CD9: variants seen among roughly 807,000 people sequenced by gnomAD.
CD9 encodes the protein CD9 antigen.
In CD9, 10 loss-of-function variants were observed where a neutral mutation model predicts 31.4. That is an observed-to-expected ratio of 0.32 (90% CI 0.20 to 0.54). CD9 has a LOEUF of 0.54. Ranked by LOEUF, CD9 falls within the 20% of genes least tolerant of loss-of-function variation. The probability of loss-of-function intolerance (pLI) is 0.94; values close to 1 mark genes in which losing one functional copy is unlikely to be tolerated. For synonymous variants in CD9, 113 were observed against 114.1 expected (o/e 0.99, Z 0.06); for missense variants, 259 against 300.1 (o/e 0.86, Z 1.01).
chr12:6,213,162 C>CTG (rs1167689896), intron 1 of CD9, among the ~76,000 whole-genome samples: 13 of 152,208 alleles, frequency 8.5e-5, no homozygotes, highest in Non-Finnish European at 1.5e-4. Context: ...GTGTTAGCTT[C>CTG]TGCTGCTGTT....
In CD9 at chr12:6,232,846, A is replaced by G; in HGVS notation, c.273+117A>G. ...GGGGATGGGGTCAGGAAGGTACCCA[A>G]AGGGCATGAGCTGTCCTCAGCCTGG... is the stretch of plus-strand genomic sequence containing the variant. On this transcript the variant is annotated intron_variant, in intron 3 of 7. Coordinates refer to ENST00000009180, the MANE Select transcript of CD9 (RefSeq NM_001769.4). The surrounding 1 kb of genome is among the most constrained non-coding windows in gnomAD (Gnocchi z 4.8). 1 of 752,194 alleles carries G rather than the reference A, an allele frequency of 1.3e-6. No individual in the cohort carries two copies. Among genetic ancestry groups the G allele is most frequent in the South Asian group, 1.5e-5 (1 of 68,554 alleles). The allele number at this position is 752,194 out of a possible 1,614,324, so 46.6% of individuals were successfully genotyped here.
intron 1 of CD9, among the ~76,000 whole-genome samples, chr12:6,210,686 GAA>G (rs1946185116): frequency 6.6e-6 from 1 of 152,090 alleles, no homozygotes; most frequent in Non-Finnish European, 1.5e-5. Context: ...AGGCAAAAGG[GAA>G]AAAATTCTGG....
intron 1 of CD9, among the ~76,000 whole-genome samples, chr12:6,203,673 C>T (rs1169726224): frequency 6.6e-6 from 1 of 152,168 alleles, no homozygotes; most frequent in Non-Finnish European, 1.5e-5. Flanking sequence ...TTCTACATTT[C>T]CTTCAGACCT....
intron 2 of CD9, among the ~76,000 whole-genome samples, chr12:6,230,611 C>T (rs1946431174): frequency 6.6e-6 from 1 of 152,232 alleles, no homozygotes; most frequent in South Asian, 2.1e-4. Context: ...GACTTGCCCC[C>T]ATTAGATGGG....
chr12:6,225,076 GT>G (rs1337465213), intron 1 of CD9: 2 of 253,320 alleles, frequency 7.9e-6, no homozygotes, highest in Non-Finnish European at 1.5e-5. Context: ...CATATTGTGT[GT>G]GTGCCTGTGG....
chr12:6,210,372 C>T (rs1946182249), intron 1 of CD9, among the ~76,000 whole-genome samples: 1 of 152,216 alleles, frequency 6.6e-6, no homozygotes, highest in Admixed American at 6.5e-5. Flanking sequence ...CCGCCTCTGT[C>T]CACCCTGACT....
At chr12:6,205,369 C>G (rs573216588) in intron 1 of CD9, among the ~76,000 whole-genome samples, 1 of 152,212 alleles carries the variant, frequency 6.6e-6, no homozygotes, top group Non-Finnish European at 1.5e-5. Context: ...TTCTTTTCAA[C>G]GTGGCCCACA....
chr12:6,226,481 T>C (rs905034164), intron 2 of CD9: 1 of 152,224 alleles, frequency 6.6e-6, no homozygotes, highest in African/African-American at 2.4e-5. Flanking sequence ...AAAAAAGTTA[T>C]TTTTACAAAC....
At chr12:6,221,692 G>A (rs1946293457) in intron 1 of CD9, among the ~76,000 whole-genome samples, 3 of 151,552 alleles carry the variant, frequency 2.0e-5, no homozygotes, top group Admixed American at 6.6e-5. Flanking sequence ...TAAAGTAGCT[G>A]AAGCTGGGCG....
chr12:6,226,686 G>A (rs1457976751), intron 2 of CD9, among the ~76,000 whole-genome samples: 1 of 152,060 alleles, frequency 6.6e-6, no homozygotes, highest in Non-Finnish European at 1.5e-5. Flanking sequence ...GGTTTTTTGG[G>A]GTGTGTCTCT....
At position 6,202,596 on chromosome 12, in the gene CD9, G is replaced by A. The variant is rs371192444; in HGVS notation, c.66+2031G>A. ...CATGGCATATGCAGGAAGCTGATGC[G>A]AGGCTCACAGGGCCACTGGTATCTA... On this transcript the variant is annotated intron_variant, in intron 1 of 7. Transcript: ENST00000009180. Among the ~76,000 whole-genome samples the A allele has an allele frequency of 7.2e-5, 11 of 152,312 alleles. No individual in the cohort carries two copies. The East Asian group carries it at 1.7e-3, about 24-fold the overall frequency.
At chr12:6,233,135 G>A (rs965476133) in intron 3 of CD9, 13 of 690,246 alleles carry the variant, frequency 1.9e-5, no homozygotes, top group Non-Finnish European at 3.2e-5. Flanking sequence ...CCTGCTCACT[G>A]ACTCTTAACT....
At position 6,229,267 on chromosome 12, in the gene CD9, C is replaced by T. The variant is rs1946410673; in HGVS notation, c.176-3365C>T. 2.0e-5 allele frequency among the ~76,000 whole-genome samples: 3 copies of T among 152,324 alleles called. No homozygotes were observed. The South Asian group carries it at 6.2e-4, about 32-fold the overall frequency. The stretch of plus-strand genomic sequence containing the variant: ...AATGCCCCCCCTTCCTCGGCCAGCC[C>T]CCTATCCATGATGAGGTGCCTGGTG... On this transcript the variant is annotated intron_variant, in intron 2 of 7. Transcript: ENST00000009180.
At chr12:6,219,628 G>A (rs1342615377) in intron 1 of CD9, among the ~76,000 whole-genome samples, 1 of 152,050 alleles carries the variant, frequency 6.6e-6, no homozygotes, top group Non-Finnish European at 1.5e-5. Context: ...TGGTACTACA[G>A]GCACCCGCCA....
At chr12:6,228,488 G>T (rs1426333525) in intron 2 of CD9, among the ~76,000 whole-genome samples, 2 of 147,496 alleles carry the variant, frequency 1.4e-5, no homozygotes, top group Non-Finnish European at 3.0e-5. Flanking sequence ...GGAGGCAGAG[G>T]TTGCAGAGAG....
At chr12:6,209,900 G>C (rs919583198) in intron 1 of CD9, among the ~76,000 whole-genome samples, 6 of 152,098 alleles carry the variant, frequency 3.9e-5, no homozygotes, top group African/African-American at 1.4e-4. Context: ...GACCAGGCTG[G>C]TCTCGAACTG....
intron 1 of CD9, among the ~76,000 whole-genome samples, chr12:6,201,852 C>T (rs1016939736): frequency 1.3e-5 from 2 of 152,114 alleles, no homozygotes; most frequent in African/African-American, 4.8e-5. Flanking sequence ...GCCTGGGTAA[C>T]ATAGTGAGAC....
At chr12:6,205,269 A>G (rs984720276) in intron 1 of CD9, among the ~76,000 whole-genome samples, 11 of 152,058 alleles carry the variant, frequency 7.2e-5, no homozygotes, top group Non-Finnish European at 1.6e-4. Flanking sequence ...TCTCCCCTAC[A>G]CCCACAGTGG....
At chr12:6,221,720 A>G (rs1294233449) in intron 1 of CD9, among the ~76,000 whole-genome samples, 1 of 151,558 alleles carries the variant, frequency 6.6e-6, no homozygotes, top group Non-Finnish European at 1.5e-5. Flanking sequence ...TCACACCTGT[A>G]ATCCAAGTGC....
Sources: gnomAD v4.1 joint callset for allele counts (sites outside exome capture counted in the v4.1 genomes callset) on GRCh38, gnomAD v4.1.1 for gene constraint, Gnocchi (gnomAD v3.1) non-coding constraint, MANE v1.5 for transcripts, NCBI Gene and HGNC (gene_info 2026-07-23, HGNC 2026-07-21) for gene names.